GRM6: variants seen among roughly 807,000 people sequenced by gnomAD.
GRM6 encodes glutamate metabotropic receptor 6.
In GRM6, 73 loss-of-function variants were observed where a neutral mutation model predicts 78.4. The observed-to-expected ratio is 0.93, with a 90% CI of 0.77 to 1.13. GRM6 has a LOEUF of 1.13. Ranked by LOEUF, GRM6 falls within the 50% of genes most tolerant of loss-of-function variation. The pLI, the probability that GRM6 is intolerant of heterozygous loss-of-function variation, is 0.00. For synonymous variants in GRM6, 580 were observed against 555.0 expected (o/e 1.05, Z -0.63); for missense variants, 1,251 against 1,256.4 (o/e 1.00, Z 0.07).
At position 178,978,618 on chromosome 5, in the gene GRM6, C is replaced by G. The variant is rs1213845141; in HGVS notation, c.*3039G>C. ...GCTTACATCAGAACGTAATCTTACT[C>G]TGCTTTAGAGCTCTCATCCCAGAGA... On this transcript the variant is annotated 3_prime_UTR_variant, in exon 11 of 11. Coordinates refer to ENST00000517717, the MANE Select transcript of GRM6 (RefSeq NM_000843.4). The G allele has an allele frequency of 6.6e-6, 1 of 152,228 alleles. No individual in the cohort carries two copies. Among genetic ancestry groups the G allele is most frequent in the Non-Finnish European group, 1.5e-5 (1 of 68,038 alleles). 9.4% of individuals were successfully genotyped at this position (152,228 alleles called of 1,614,324 possible).
At chr5:178,983,837 C>T (rs1368487540) in intron 9 of GRM6, among the ~76,000 whole-genome samples, 10 of 152,188 alleles carry the variant, frequency 6.6e-5, no homozygotes, top group South Asian at 4.1e-4. Flanking sequence ...GGAACAGGAA[C>T]GAAGCCACCT....
At chr5:178,985,680 G>A (rs749153589) in intron 9 of GRM6, 16 of 397,534 alleles carry the variant, frequency 4.0e-5, no homozygotes, top group South Asian at 1.5e-4. Context: ...TCCAGCCTGG[G>A]CGACACAGCG....
In GRM6 at chr5:178,990,581, C is replaced by T; in HGVS notation, c.1012+11G>A. On this transcript the variant is annotated intron_variant, in intron 5 of 10. Coordinates refer to ENST00000517717, the MANE Select transcript of GRM6 (RefSeq NM_000843.4). ...CGTGTGGGGTGGGGGATGGAGTGCC[C>T]CTGGACTCACCGTCGATGGAGGCCC... 1 of 1,609,610 alleles carries T rather than the reference C, an allele frequency of 6.2e-7. No homozygotes were observed. Among genetic ancestry groups the T allele is most frequent in the Non-Finnish European group, 8.5e-7 (1 of 1,176,872 alleles).
chr5:178,984,747 G>T (rs948732585), intron 9 of GRM6, among the ~76,000 whole-genome samples: 1 of 152,108 alleles, frequency 6.6e-6, no homozygotes, highest in Non-Finnish European at 1.5e-5. Context: ...TCCTAGTCAC[G>T]GAGAACTGCA....
rs568151957 is a variant in GRM6, at chr5:178,991,308, T to G, written c.857+116A>C. 4 of 975,104 alleles carry G rather than the reference T, an allele frequency of 4.1e-6. No individual in the cohort carries two copies. The highest frequency in any genetic ancestry group is 1.7e-5 in the African/African-American group (1 of 60,432). The allele number at this position is 975,104 out of a possible 1,614,324, so 60.4% of individuals were successfully genotyped here. On this transcript the variant is annotated intron_variant, in intron 4 of 10. Coordinates refer to ENST00000517717, the MANE Select transcript of GRM6 (RefSeq NM_000843.4). This position sits in a 1 kb window ranked among gnomAD's most constrained non-coding sequence, Gnocchi z 5.0. ...AGGCAGCAGCAGGGAAGGTGGGGGG[T>G]GCGGGGAGCAGGGGAAAGGGAGGCA...
At position 178,986,480 on chromosome 5, in the gene GRM6, G is replaced by A; in HGVS notation, c.1774C>T (p.Leu592=). The change falls in exon 9 of 11, where the codon CTG becomes TTG. Residue 592 remains leucine, a synonymous_variant. Transcript: ENST00000517717. ...GTGGCCACGATGCCCAGCACGGCCAGGAGGAGCGGCGGGGCTGCCCAGGGG... is the reference window on the plus strand; with the variant it reads ...GTGGCCACGATGCCCAGCACGGCCAAGAGGAGCGGCGGGGCTGCCCAGGGG... The part of the protein sequence containing the change: ...SSPWAAPPLL[L]AVLGIVATTT... 2 of 1,611,832 alleles carry A rather than the reference G, an allele frequency of 1.2e-6. No homozygotes were observed. Among genetic ancestry groups the A allele is most frequent in the Non-Finnish European group, 1.7e-6 (2 of 1,179,324 alleles).
At chr5:178,989,666 A>G in intron 5 of GRM6, 1 of 570,456 alleles carries the variant, frequency 1.8e-6, no homozygotes, top group Non-Finnish European at 3.1e-6. Flanking sequence ...TGGAGGTTCC[A>G]GGGTAGCACT....
chr5:178,990,525 T>G, intron 5 of GRM6, 67 bp downstream of exon 5: 5 of 1,272,978 alleles, frequency 3.9e-6, no homozygotes, highest in Non-Finnish European at 4.6e-6. Context: ...ATGCAGAAAA[T>G]GAGCATCCCC....
intron 10 of GRM6, among the ~76,000 whole-genome samples, chr5:178,982,303 C>T (rs535610377): frequency 5.2e-4 from 79 of 152,244 alleles, no homozygotes; most frequent in African/African-American, 1.9e-3. Flanking sequence ...GAAGCCTGGG[C>T]GCAGTGGCTC....
At position 178,986,622 on chromosome 5, in the gene GRM6, G is replaced by A. The variant is rs139758482; in HGVS notation, c.1632C>T (p.Asp544=). 2.2e-4 allele frequency: 358 copies of A among 1,603,266 alleles called. 2 individuals carry two copies. Among genetic ancestry groups the A allele is most frequent in the South Asian group, 1.1e-3 (97 of 91,086 alleles). The part of the protein sequence containing the change: ...VPCCWHCEAC[D]GYRFQVDEFT... ...ACTCGTCCACCTGGAAGCGGTACCC[G>A]TCACAGGCCTCGCAGTGCCAACAGC... The change falls in exon 9 of 11, where the codon GAC becomes GAT. Residue 544 remains aspartate (D), a synonymous_variant. Coordinates refer to ENST00000517717, the MANE Select transcript of GRM6 (RefSeq NM_000843.4).
At position 178,994,767 on chromosome 5, in the gene GRM6, G is replaced by A. The variant is rs1216564042; in HGVS notation, c.178C>T (p.Leu60=). 3 of 1,394,782 alleles carry A rather than the reference G, an allele frequency of 2.2e-6. No homozygotes were observed. Among genetic ancestry groups the A allele is most frequent in the African/African-American group, 3.0e-5 (2 of 66,760 alleles). The allele number at this position is 1,394,782 out of a possible 1,614,324, so 86.4% of individuals were successfully genotyped here. A position where few individuals can be genotyped will look rare whatever the true frequency, so the allele number is the denominator to read the frequency against. Residue 60 remains leucine, a synonymous_variant, in exon 2 of 11, where the codon CTG becomes TTG. Transcript: ENST00000517717. ...CGGTGCACGCCCTGCTCCTTCTTCAGCTGCCCGCACGCCCGGCCCGCCGCG... is the reference window on the plus strand; with the variant it reads ...CGGTGCACGCCCTGCTCCTTCTTCAACTGCCCGCACGCCCGGCCCGCCGCG... ...RGAAGRACGQ[L]KKEQGVHRLE...
intron 9 of GRM6, chr5:178,983,623 C>T (rs563385302): frequency 8.0e-6 from 3 of 374,650 alleles, no homozygotes; most frequent in African/African-American, 4.2e-5. Flanking sequence ...CTCGCATCGC[C>T]TCTCTAGCCT....
intron 9 of GRM6, 196 bp from the exon 10 acceptor site, chr5:178,983,417 G>A (rs1349644099): frequency 2.8e-6 from 2 of 704,662 alleles, no homozygotes; most frequent in Admixed American, 2.0e-5. Flanking sequence ...CAGCCCAAGA[G>A]GGGTCCGTCC....
At position 178,989,339 on chromosome 5, in the gene GRM6, A is replaced by G. The variant is rs773047322; in HGVS notation, c.1079T>C (p.Phe360Ser). ...NNRRNIWFAEFWEENFNCKLT... is the reference protein window; with the variant it reads ...NNRRNIWFAESWEENFNCKLT... Reference sequence around the variant, plus strand: ...TTTGCAGTTAAAATTCTCTTCCCAGAACTCGGCGAACCAGATGTTCCTGCG... The same window carrying G: ...TTTGCAGTTAAAATTCTCTTCCCAGGACTCGGCGAACCAGATGTTCCTGCG... Residue 360 changes from phenylalanine (F) to serine (S), a missense_variant, in exon 6 of 11, where the codon TTC becomes TCC. Transcript: ENST00000517717. The G allele has an allele frequency of 2.5e-6, 4 of 1,613,846 alleles. No homozygotes were observed. The African/African-American group carries it at 4.0e-5, about 16-fold the overall frequency.
In GRM6 at chr5:178,991,200, A is replaced by G. The variant is rs548347611; in HGVS notation, c.857+224T>C. On this transcript the variant is annotated intron_variant, in intron 4 of 10. Transcript: ENST00000517717. The surrounding 1 kb of genome is among the most constrained non-coding windows in gnomAD (Gnocchi z 5.0). ...GCACCCCCAGGAGCTGTAAACACAGACACATGTTCTGTGCGCTATTCAGTC... is the reference window on the plus strand; with the variant it reads ...GCACCCCCAGGAGCTGTAAACACAGGCACATGTTCTGTGCGCTATTCAGTC... Among the ~76,000 whole-genome samples, 6 of 152,102 alleles carry G rather than the reference A, an allele frequency of 3.9e-5. No individual in the cohort carries two copies. In the East Asian group the frequency reaches 9.7e-4, roughly 25 times the overall value.
rs1314683153 is a variant in GRM6, at chr5:178,992,139, G to A, written c.505-56C>T. 2.4e-6 allele frequency: 3 copies of A among 1,239,880 alleles called. No homozygotes were observed. The highest frequency in any genetic ancestry group is 2.4e-5 in the East Asian group (1 of 42,324). 76.8% of individuals were successfully genotyped at this position (1,239,880 alleles called of 1,614,324 possible). On this transcript the variant is annotated intron_variant, in intron 2 of 10. Transcript: ENST00000517717. The surrounding 1 kb of genome is among the most constrained non-coding windows in gnomAD (Gnocchi z 4.9). ...GATGGAGGTCAGTAACTCAAGAGAG[G>A]GAGGGTAAGGGGGGCCCAGGACACG...
intron 7 of GRM6, 118 bp from the exon 8 acceptor site, chr5:178,987,101 G>A (rs1760582615): frequency 9.5e-7 from 1 of 1,057,458 alleles, no homozygotes; most frequent in Non-Finnish European, 1.4e-6. Flanking sequence ...CTGCTCATAA[G>A]GGACGTGCAA....
In GRM6 at chr5:178,983,116, A is replaced by G. The variant is rs757551951; in HGVS notation, c.2230T>C (p.Cys744Arg). Residue 744 changes from cysteine to arginine, a missense_variant, in exon 10 of 11, where the codon TGC becomes CGC. Transcript: ENST00000517717. Reference protein sequence around the residue: ...DPEQARGVLKCDMSDLSLIGC... With the variant: ...DPEQARGVLKRDMSDLSLIGC... ...ATGAGAGACAGATCCGACATGTCGC[A>G]CTTGAGCACCCCTCTGGCCTGCTCG... 6.2e-6 allele frequency: 10 copies of G among 1,613,934 alleles called. No homozygotes were observed. Among genetic ancestry groups the G allele is most frequent in the African/African-American group, 2.7e-5 (2 of 74,900 alleles).
At chr5:178,984,131 A>G (rs1380577132) in intron 9 of GRM6, among the ~76,000 whole-genome samples, 1 of 152,126 alleles carries the variant, frequency 6.6e-6, no homozygotes, top group Non-Finnish European at 1.5e-5. Context: ...ATCGAGACCA[A>G]CTTCCAAAAT....
Sources: allele counts gnomAD v4.1 joint callset (sites outside exome capture counted in the v4.1 genomes callset), GRCh38; gene constraint gnomAD v4.1.1; non-coding constraint Gnocchi (gnomAD v3.1); transcripts MANE v1.5; gene names NCBI Gene and HGNC (gene_info 2026-07-23, HGNC 2026-07-21).